The following INPP5F variants were observed in gnomAD, a reference collection of about 807,000 sequenced individuals.
INPP5F encodes the protein phosphatidylinositide 4-phosphatase SAC2.
In INPP5F, 97 loss-of-function variants were observed where a neutral mutation model predicts 137.2. The ratio of observed to expected loss-of-function variants is 0.71; its 90% CI spans 0.60 to 0.84. The LOEUF is 0.84. Ranked by LOEUF, INPP5F falls within the 40% of genes least tolerant of loss-of-function variation. INPP5F has a pLI of 0.00. For missense variants in INPP5F, 1,271 were observed against 1,371.9 expected, an observed-to-expected ratio of 0.93 and a Z score of 1.16; for synonymous variants, 504 against 476.9, an observed-to-expected ratio of 1.06 and a Z score of -0.74.
rs374820365 is a variant in INPP5F at position 119,827,508 on chromosome 10, G to A, written c.3127G>A (p.Ala1043Thr). The change falls in exon 20 of 20, where the codon GCT becomes ACT. Residue 1043 changes from alanine to threonine, a missense_variant. Ala to Thr is a moderately conservative substitution (Grantham distance 58, BLOSUM62 0). Transcript: ENST00000650623. ...SVASQKTPTS[A>T]SSMLELETGL... ...TGCATCTCAAAAAACCCCCACCTCCGCTTCCAGCATGCTTGAACTTGAGAC... is the reference window on the plus strand; with the variant it reads ...TGCATCTCAAAAAACCCCCACCTCCACTTCCAGCATGCTTGAACTTGAGAC... 14 of 1,614,106 alleles carry A rather than the reference G, an allele frequency of 8.7e-6. No individual in the cohort carries two copies. The highest frequency in any genetic ancestry group is 3.3e-5 in the South Asian group (3 of 91,078).
rs373162254 is a variant in INPP5F at position 119,745,921 on chromosome 10, T to C, written c.98-5155T>C. 2.8e-4 allele frequency among the ~76,000 whole-genome samples: 42 copies of C among 152,202 alleles called. 2 individuals are homozygous for C. The highest frequency in any genetic ancestry group is 9.9e-4 in the African/African-American group (41 of 41,520). Reference sequence around the variant, plus strand: ...GGTTTCACCATGTTGGTCAGCCTGGTCTTGAACTCCTGACCTGTGATCCGC... The same window carrying C: ...GGTTTCACCATGTTGGTCAGCCTGGCCTTGAACTCCTGACCTGTGATCCGC... On this transcript the variant is annotated intron_variant, in intron 1 of 19. Transcript: ENST00000650623.
At chr10:119,775,717 G>A (rs759750371) in intron 2 of INPP5F, among the ~76,000 whole-genome samples, 8 of 152,042 alleles carry the variant, frequency 5.3e-5, no homozygotes, top group Non-Finnish European at 8.8e-5. Flanking sequence ...ATTGATAACT[G>A]TTGGGCCTAA....
rs767170481 is a variant in INPP5F, at chr10:119,798,647, T to C, written c.1116+37T>C. Reference sequence around the variant, plus strand: ...TTTACAGTAGTAAAATGTTCCTTCATCTTTAGAAATAACTTTTTCTTTAAG... The same window carrying C: ...TTTACAGTAGTAAAATGTTCCTTCACCTTTAGAAATAACTTTTTCTTTAAG... On this transcript the variant is annotated intron_variant, in intron 9 of 19. Transcript: ENST00000650623. 83 of 1,389,698 alleles carry C rather than the reference T, an allele frequency of 6.0e-5. No individual in the cohort carries two copies. The East Asian group carries it at 1.9e-3, about 31-fold the overall frequency. 86.1% of individuals were successfully genotyped at this position (1,389,698 alleles called of 1,614,324 possible).
At chr10:119,734,515 A>C (rs756825205) in intron 1 of INPP5F, among the ~76,000 whole-genome samples, 4 of 152,144 alleles carry the variant, frequency 2.6e-5, no homozygotes, top group Non-Finnish European at 5.9e-5. Context: ...TTTTTTAAAT[A>C]ATAGAGACAG....
chr10:119,789,225 C>CA (rs71019718), intron 3 of INPP5F, among the ~76,000 whole-genome samples: 9,249 of 107,578 alleles, frequency 0.086, 331 homozygotes, highest in South Asian at 0.21. Context: ...AACTCTGTCT[C>CA]AAAAAAAAAA....
rs1848592901 is a variant in INPP5F, at chr10:119,748,142, C to T, written c.98-2934C>T. On this transcript the variant is annotated intron_variant, in intron 1 of 19. Coordinates refer to ENST00000650623, the MANE Select transcript of INPP5F (RefSeq NM_014937.4). This position sits in a 1 kb window ranked among gnomAD's most constrained non-coding sequence, Gnocchi z 4.7. ...TATGAGCGAGCGTGCACGGTCCAGA[C>T]ACTATGCACAGCCAGGTGTGCCAGC... 6.6e-6 allele frequency among the ~76,000 whole-genome samples: 1 copy of T among 152,224 alleles called. No individual in the cohort carries two copies. The highest frequency in any genetic ancestry group is 1.5e-5 in the Non-Finnish European group (1 of 68,044).
chr10:119,738,032 C>A (rs1439834235), intron 1 of INPP5F, among the ~76,000 whole-genome samples: 1 of 152,182 alleles, frequency 6.6e-6, no homozygotes, highest in Non-Finnish European at 1.5e-5. Flanking sequence ...ATGCTCTGTG[C>A]AGGCACACAG....
chr10:119,791,742 G>T, intron 4 of INPP5F, 97 bp downstream of exon 4: 1 of 1,358,504 alleles, frequency 7.4e-7, no homozygotes. Flanking sequence ...TAAACCATTT[G>T]TTGTATTGAA....
rs775021650 is a variant in INPP5F, at chr10:119,827,324, TCAG to T, written c.2947_2949del (p.Gln983del). ...ACCTATCAGAGACCAGATCTGTGTC[TCAG>T]CAGGCTAGTCAGGAAAGAAATCAAA... is the stretch of plus-strand genomic sequence containing the variant. On this transcript the variant is annotated inframe_deletion, in exon 20 of 20. Coordinates refer to ENST00000650623, the MANE Select transcript of INPP5F (RefSeq NM_014937.4). The T allele has an allele frequency of 2.0e-5, 33 of 1,614,052 alleles. No individual in the cohort carries two copies. In the African/African-American group the frequency reaches 4.4e-4, roughly 22 times the overall value.
In INPP5F at chr10:119,726,063, GGCCGCCGCT is replaced by G. The variant is rs1554881789; in HGVS notation, c.-191_-183del. On this transcript the variant is annotated 5_prime_UTR_variant, in exon 1 of 20. Coordinates refer to ENST00000650623, the MANE Select transcript of INPP5F (RefSeq NM_014937.4). ...AGGAGCGGGGGGGAGAGGCCTCTAC[GGCCGCCGCT>G]GCCGCCGCCGCTGCCGGGGCGCGTT... 5.5e-6 allele frequency: 2 copies of G among 366,010 alleles called. No individual in the cohort carries two copies. The highest frequency in any genetic ancestry group is 4.5e-5 in the East Asian group (1 of 22,076). The allele number at this position is 366,010 out of a possible 1,614,324, so 22.7% of individuals were successfully genotyped here.
At chr10:119,791,464 C>A in intron 3 of INPP5F, 53 bp from the exon 4 acceptor site, 1 of 1,440,194 alleles carries the variant, frequency 6.9e-7, no homozygotes, top group Non-Finnish European at 9.6e-7. Context: ...TGCACTCGAA[C>A]ATTTAACAAA....
intron 2 of INPP5F, among the ~76,000 whole-genome samples, chr10:119,767,324 G>C (rs904036179): frequency 6.6e-6 from 1 of 152,048 alleles, no homozygotes; most frequent in Non-Finnish European, 1.5e-5. Context: ...AGAGGAGTTG[G>C]TATTCTAAGT....
intron 3 of INPP5F, among the ~76,000 whole-genome samples, chr10:119,783,781 T>A (rs1044540549): frequency 2.0e-5 from 3 of 152,184 alleles, no homozygotes; most frequent in Admixed American, 2.0e-4. Flanking sequence ...ATTTCCTCCA[T>A]TGACATAATT....
chr10:119,821,534 T>C (rs1851561242), intron 16 of INPP5F, among the ~76,000 whole-genome samples: 1 of 152,236 alleles, frequency 6.6e-6, no homozygotes, highest in South Asian at 2.1e-4. Flanking sequence ...ACTAAGTAAA[T>C]ATTCAATTTA....
intron 13 of INPP5F, 117 bp downstream of exon 13, chr10:119,808,177 T>C (rs1850874605): frequency 1.6e-6 from 2 of 1,274,328 alleles, no homozygotes; most frequent in Non-Finnish European, 2.1e-6. Flanking sequence ...GTTGACTCTT[T>C]TCTGAAATGG....
chr10:119,805,692 G>A (rs1564842691), intron 11 of INPP5F, among the ~76,000 whole-genome samples: 1 of 152,158 alleles, frequency 6.6e-6, no homozygotes, highest in Non-Finnish European at 1.5e-5. Context: ...CGCTCTGACT[G>A]TTCTTTAAGG....
intron 9 of INPP5F, among the ~76,000 whole-genome samples, chr10:119,803,738 C>T (rs917530113): frequency 2.0e-5 from 3 of 152,148 alleles, no homozygotes; most frequent in Admixed American, 6.5e-5. Flanking sequence ...ATCTTGCTGC[C>T]TAGTAACATG....
At chr10:119,774,163 G>A (rs1849446408) in intron 2 of INPP5F, among the ~76,000 whole-genome samples, 1 of 150,594 alleles carries the variant, frequency 6.6e-6, no homozygotes, top group Admixed American at 6.7e-5. Flanking sequence ...TCGGGAGGCT[G>A]AGGAGGGAGA....
At chr10:119,735,815 T>C (rs1414521800) in intron 1 of INPP5F, among the ~76,000 whole-genome samples, 1 of 152,214 alleles carries the variant, frequency 6.6e-6, no homozygotes, top group African/African-American at 2.4e-5. Flanking sequence ...TATTTATTTC[T>C]CCTAACAAAT....
Sources: gnomAD v4.1 joint callset for allele counts (sites outside exome capture counted in the v4.1 genomes callset) on GRCh38, gnomAD v4.1.1 for gene constraint, Gnocchi (gnomAD v3.1) non-coding constraint, MANE v1.5 for transcripts, NCBI Gene and HGNC (gene_info 2026-07-23, HGNC 2026-07-21) for gene names.